Variants in MPDZ observed in about 807,000 individuals in gnomAD.
The protein encoded by MPDZ is multiple PDZ domain protein.
MPDZ carries 234 observed loss-of-function variants against 239.1 expected under a neutral mutation model. That is an observed-to-expected ratio of 0.98 (90% CI 0.88 to 1.09). The LOEUF (loss-of-function observed/expected upper bound fraction) is 1.09, where lower values mean the gene tolerates loss of function less well. Among genes scored for constraint, MPDZ ranks in the 50% least tolerant of loss-of-function variants. The pLI is 0.00. For missense variants in MPDZ, 3,175 were observed against 2,510.0 expected (o/e 1.26, Z -5.66); for synonymous variants, 1,048 against 881.3 (o/e 1.19, Z -3.35).
intron 24 of MPDZ, among the ~76,000 whole-genome samples, chr9:13,154,903 A>G (rs948489073): frequency 1.3e-4 from 20 of 152,180 alleles, no homozygotes; most frequent in Admixed American, 6.6e-5. Flanking sequence ...GGGAACATTC[A>G]TATATTGGAA....
chr9:13,142,555 T>G (rs1272941301), intron 27 of MPDZ, among the ~76,000 whole-genome samples: 1 of 152,106 alleles, frequency 6.6e-6, no homozygotes. Context: ...GCCATGTATG[T>G]ATACATCAAG....
intron 26 of MPDZ, among the ~76,000 whole-genome samples, chr9:13,143,791 C>T (rs1335674332): frequency 6.6e-6 from 1 of 152,096 alleles, no homozygotes; most frequent in Non-Finnish European, 1.5e-5. Flanking sequence ...ACAAAGGAAA[C>T]TAGTTGTCAA....
At chr9:13,173,438 C>G (rs967896951) in intron 21 of MPDZ, among the ~76,000 whole-genome samples, 2 of 152,034 alleles carry the variant, frequency 1.3e-5, no homozygotes, top group Non-Finnish European at 2.9e-5. Flanking sequence ...CAGGGTGACT[C>G]GTGCCTGTAA....
chr9:13,223,116 C>T (rs911244950), intron 5 of MPDZ, among the ~76,000 whole-genome samples: 1 of 151,820 alleles, frequency 6.6e-6, no homozygotes, highest in Non-Finnish European at 1.5e-5. Context: ...AAATACTATA[C>T]CACTTTATAT....
intron 1 of MPDZ, among the ~76,000 whole-genome samples, chr9:13,251,186 C>T (rs1967913610): frequency 6.8e-6 from 1 of 147,680 alleles, no homozygotes; most frequent in Non-Finnish European, 1.5e-5. Flanking sequence ...GAATGTGACA[C>T]TCAAGCAGTA....
chr9:13,153,529 G>A (rs967574774), intron 24 of MPDZ, among the ~76,000 whole-genome samples: 2 of 152,012 alleles, frequency 1.3e-5, no homozygotes, highest in African/African-American at 2.4e-5. Flanking sequence ...CTGCAGCCTT[G>A]ACTTTCAACC....
intron 13 of MPDZ, 58 bp from the exon 14 acceptor site, chr9:13,193,371 T>G: frequency 6.6e-7 from 1 of 1,504,602 alleles, no homozygotes; most frequent in Non-Finnish European, 8.9e-7. Context: ...TTTTTACTCA[T>G]GCACACATTT....
In MPDZ at chr9:13,183,423, G is replaced by A; in HGVS notation, c.2644C>T (p.Pro882Ser). The part of the protein sequence containing the change: ...NYGSSLPSSP[P>S]KDVIENSCDP... ...AATTGGCTTTTCCTTTGTACCTTAGGAGGAGATGATGGAAGGGAAGAACCA... is the reference window on the plus strand; with the variant it reads ...AATTGGCTTTTCCTTTGTACCTTAGAAGGAGATGATGGAAGGGAAGAACCA... Residue 882 changes from proline to serine, a missense_variant, in exon 19 of 47, where the codon CCT becomes TCT. Pro to Ser is a moderately conservative substitution (Grantham distance 74, BLOSUM62 -1). Transcript: ENST00000319217. The A allele has an allele frequency of 6.2e-7, 1 of 1,604,398 alleles. No individual in the cohort carries two copies. Among genetic ancestry groups the A allele is most frequent in the Non-Finnish European group, 8.5e-7 (1 of 1,176,580 alleles).
At chr9:13,215,293 C>T (rs1261353328) in intron 10 of MPDZ, among the ~76,000 whole-genome samples, 2 of 151,432 alleles carry the variant, frequency 1.3e-5, no homozygotes, top group Non-Finnish European at 2.9e-5. Context: ...GATAAGATTT[C>T]CTTCTCTTTA....
chr9:13,215,064 G>A (rs1378398189), intron 10 of MPDZ, among the ~76,000 whole-genome samples: 1 of 151,820 alleles, frequency 6.6e-6, no homozygotes, highest in Non-Finnish European at 1.5e-5. Context: ...TGTGCAACAG[G>A]TCTCCGGAAT....
chr9:13,115,867 C>A (rs1943343790), intron 39 of MPDZ, among the ~76,000 whole-genome samples: 1 of 150,472 alleles, frequency 6.6e-6, no homozygotes, highest in Admixed American at 6.6e-5. Context: ...ATGGCGTGAA[C>A]CTGGGAGGCG....
chr9:13,274,425 TA>T (rs1325560356), intron 1 of MPDZ: 2 of 151,914 alleles, frequency 1.3e-5, no homozygotes, highest in Non-Finnish European at 2.9e-5. Flanking sequence ...CAAATAAAAC[TA>T]AAAAGTGGAT....
chr9:13,220,618 T>C (rs1324985772), intron 7 of MPDZ, among the ~76,000 whole-genome samples: 1 of 151,926 alleles, frequency 6.6e-6, no homozygotes, highest in Admixed American at 6.6e-5. Context: ...TTGCATACTA[T>C]TATATTACCG....
At chr9:13,204,417 T>A (rs571482320) in intron 12 of MPDZ, among the ~76,000 whole-genome samples, 1 of 152,154 alleles carries the variant, frequency 6.6e-6, no homozygotes, top group South Asian at 2.1e-4. Flanking sequence ...GCGAAATCTG[T>A]CTCTAATACG....
intron 19 of MPDZ, among the ~76,000 whole-genome samples, chr9:13,180,087 C>T (rs1295778015): frequency 6.6e-6 from 1 of 152,066 alleles, no homozygotes; most frequent in Non-Finnish European, 1.5e-5. Context: ...GTCACTAAGA[C>T]TCTCACAGTC....
intron 23 of MPDZ, among the ~76,000 whole-genome samples, chr9:13,159,975 A>G (rs915687706): frequency 3.3e-5 from 5 of 152,196 alleles, no homozygotes; most frequent in Non-Finnish European, 7.4e-5. Context: ...GTTATCAACT[A>G]TAATAAGTAG....
chr9:13,136,604 G>A, intron 30 of MPDZ, 108 bp downstream of exon 30: 2 of 756,254 alleles, frequency 2.6e-6, no homozygotes, highest in Non-Finnish European at 2.2e-6. Context: ...GGGATTACAG[G>A]CATGAGCCAG....
At chr9:13,177,757 AT>A (rs1952693246) in intron 19 of MPDZ, among the ~76,000 whole-genome samples, 1 of 152,144 alleles carries the variant, frequency 6.6e-6, no homozygotes, top group South Asian at 2.1e-4. Flanking sequence ...ACTATGCCTA[AT>A]TGGGGAAATT....
At position 13,106,944 on chromosome 9, in the gene MPDZ, G is replaced by C; in HGVS notation, c.*21C>G. Reference sequence around the variant, plus strand: ...TAGGAGGTGAGCTAGGGGTTGGGTTGGTTCAATTCTGGCAGCCAATTCAAG... The same window carrying C: ...TAGGAGGTGAGCTAGGGGTTGGGTTCGTTCAATTCTGGCAGCCAATTCAAG... On this transcript the variant is annotated 3_prime_UTR_variant, in exon 47 of 47. Transcript: ENST00000319217. 1 of 1,612,442 alleles carries C rather than the reference G, an allele frequency of 6.2e-7. No homozygotes were observed. The highest frequency in any genetic ancestry group is 2.2e-5 in the East Asian group (1 of 44,854).
Sources: allele counts gnomAD v4.1 joint callset (sites outside exome capture counted in the v4.1 genomes callset), GRCh38; gene constraint gnomAD v4.1.1; transcripts MANE v1.5; gene names NCBI Gene and HGNC (gene_info 2026-07-23, HGNC 2026-07-21).